The following SCN3A variants were observed in gnomAD, a reference collection of about 807,000 sequenced individuals.
SCN3A encodes the protein sodium voltage-gated channel alpha subunit 3.
A neutral mutation model predicts 187.6 loss-of-function variants in SCN3A; 60 were observed. The ratio of observed to expected loss-of-function variants is 0.32; its 90% confidence interval spans 0.26 to 0.40. SCN3A has a LOEUF of 0.40. Among genes scored for constraint, SCN3A ranks in the 10% least tolerant of loss-of-function variants. The pLI is 1.00. For synonymous variants in SCN3A, 788 were observed against 829.2 expected, an observed-to-expected ratio of 0.95 and a Z score of 0.85; for missense variants, 1,601 against 2,428.2, an observed-to-expected ratio of 0.66 and a Z score of 7.16.
chr2:165,202,753 C>G (rs933361174), intron 1 of SCN3A, among the ~76,000 whole-genome samples: 1 of 152,044 alleles, frequency 6.6e-6, no homozygotes, highest in Non-Finnish European at 1.5e-5. Flanking sequence ...ATAGGGCACA[C>G]TCTATTTGGA....
chr2:165,091,406 T>C, intron 27 of SCN3A, 61 bp from the exon 28 acceptor site: 1 of 1,602,706 alleles, frequency 6.2e-7, no homozygotes. Flanking sequence ...GATGGCTTTA[T>C]CTTTTTTAAG....
intron 26 of SCN3A, chr2:165,094,126 A>G (rs1685245697): frequency 2.0e-6 from 1 of 497,162 alleles, no homozygotes. Context: ...TTGCTTTGGA[A>G]GTATTTATTA....
intron 21 of SCN3A, among the ~76,000 whole-genome samples, chr2:165,104,565 C>T (rs529806913): frequency 2.7e-5 from 4 of 150,492 alleles, no homozygotes; most frequent in South Asian, 2.1e-4. Flanking sequence ...AAAAAAAGCC[C>T]GGAATATTTT....
At chr2:165,170,637 A>G in intron 3 of SCN3A, 89 bp from the exon 4 acceptor site, 1 of 814,552 alleles carries the variant, frequency 1.2e-6, no homozygotes, top group South Asian at 1.5e-5. Flanking sequence ...TAAAAAATAG[A>G]ATTTGTTTGT....
chr2:165,090,146 C>G lies in SCN3A; in HGVS notation c.*4G>C. 1 of 1,569,684 alleles carries G rather than the reference C, an allele frequency of 6.4e-7. No individual in the cohort carries two copies. Among genetic ancestry groups the G allele is most frequent in the Non-Finnish European group, 8.7e-7 (1 of 1,153,952 alleles). ...TGATCACAAAGATAATTCTTTGTTT[C>G]TTTTTACTTTTGATTTTCTCTGACC... On this transcript the variant is annotated 3_prime_UTR_variant, in exon 28 of 28. Coordinates refer to ENST00000283254, the MANE Select transcript of SCN3A (RefSeq NM_006922.4). The surrounding 1 kb of genome is among the most constrained non-coding windows in gnomAD (Gnocchi z 4.0).
At chr2:165,109,806 A>C (rs974216479) in intron 21 of SCN3A, among the ~76,000 whole-genome samples, 1 of 152,212 alleles carries the variant, frequency 6.6e-6, no homozygotes, top group Non-Finnish European at 1.5e-5. Context: ...TAATGTTAAC[A>C]TATATGATGT....
intron 21 of SCN3A, among the ~76,000 whole-genome samples, chr2:165,108,672 A>G (rs1202038359): frequency 6.6e-6 from 1 of 152,214 alleles, no homozygotes; most frequent in African/African-American, 2.4e-5. Flanking sequence ...TGTTTTCAAT[A>G]CGTTTTAAAT....
intron 18 of SCN3A, among the ~76,000 whole-genome samples, chr2:165,116,966 T>TTTTA (rs1553520409): frequency 6.7e-6 from 1 of 149,214 alleles, no homozygotes; most frequent in African/African-American, 2.5e-5. Flanking sequence ...TTTTTTTTTT[T>TTTTA]ACCATTAATT....
chr2:165,149,574 C>G (rs758114925), intron 11 of SCN3A, among the ~76,000 whole-genome samples: 11 of 152,306 alleles, frequency 7.2e-5, no homozygotes, highest in South Asian at 2.1e-4. Flanking sequence ...ACAAAGGTAA[C>G]CTCAGACACA....
rs756527147 is a variant in SCN3A, at chr2:165,138,020, T to C, written c.2250A>G (p.Lys750=). The change falls in exon 15 of 28, where the codon AAA becomes AAG. Residue 750 remains lysine (K), a synonymous_variant. Transcript: ENST00000283254. ...CCATAACAATTAAATTCACAAGATG[T>C]TTTACTTTTAACCATGCATCACAGC... The part of the protein sequence containing the change: ...WDCCDAWLKV[K]HLVNLIVMDP... The C allele has an allele frequency of 4.3e-6, 7 of 1,613,414 alleles. No individual in the cohort carries two copies. In the Admixed American group the frequency reaches 1.2e-4, roughly 27 times the overall value.
At chr2:165,196,450 A>G (rs1041596424) in intron 1 of SCN3A, among the ~76,000 whole-genome samples, 1 of 152,118 alleles carries the variant, frequency 6.6e-6, no homozygotes, top group Admixed American at 6.6e-5. Flanking sequence ...AAGAAAGCAT[A>G]GTTAAATACT....
rs779823905 is a variant in SCN3A at position 165,112,869 on chromosome 2, C to A, written c.3843+16G>T. The stretch of plus-strand genomic sequence containing the variant: ...CTTTTAAAAACAATTTTATAAAAAT[C>A]ACTTAAAATACTTACATCAACGATC... On this transcript the variant is annotated intron_variant, in intron 21 of 27. Transcript: ENST00000283254. 6.2e-7 allele frequency: 1 copy of A among 1,607,472 alleles called. No homozygotes were observed. The highest frequency in any genetic ancestry group is 8.5e-7 in the Non-Finnish European group (1 of 1,176,256).
intron 6 of SCN3A, 46 bp downstream of exon 6, chr2:165,164,346 A>G: frequency 6.2e-7 from 1 of 1,612,394 alleles, no homozygotes; most frequent in Non-Finnish European, 8.5e-7. Flanking sequence ...TTGTACTATG[A>G]CTATTTTCAC....
chr2:165,099,578 G>C (rs539653865), intron 22 of SCN3A, among the ~76,000 whole-genome samples: 1 of 152,138 alleles, frequency 6.6e-6, no homozygotes, highest in Non-Finnish European at 1.5e-5. Flanking sequence ...ATTAGCGGGC[G>C]TGGTGGCGGG....
intron 11 of SCN3A, 152 bp from the exon 12 acceptor site, chr2:165,147,181 A>G: frequency 1.2e-6 from 1 of 844,862 alleles, no homozygotes; most frequent in Non-Finnish European, 1.8e-6. Context: ...GAGTTTACTT[A>G]ACAATGACCC....
At chr2:165,149,003 A>T (rs1210414816) in intron 11 of SCN3A, among the ~76,000 whole-genome samples, 1 of 152,128 alleles carries the variant, frequency 6.6e-6, no homozygotes, top group East Asian at 1.9e-4. Context: ...ATATATATAT[A>T]CCCTTTCTTA....
rs781618037 is a variant in SCN3A, at chr2:165,162,319, G to A, written c.1020C>T (p.Gly340=). 4 of 1,612,528 alleles carry A rather than the reference G, an allele frequency of 2.5e-6. No individual in the cohort carries two copies. The highest frequency in any genetic ancestry group is 2.7e-5 in the African/African-American group (2 of 74,556). The part of the protein sequence containing the change: ...GQKDPLLCGN[G]SDAGQCPEGY... The stretch of plus-strand genomic sequence containing the variant: ...ATTATGTTTCTTACCCTGCATCTGA[G>A]CCATTTCCACAGAGTAAAGGGTCTT... Residue 340 remains glycine (G), a synonymous_variant, in exon 9 of 28, where the codon GGC becomes GGT. Coordinates refer to ENST00000283254, the MANE Select transcript of SCN3A (RefSeq NM_006922.4).
chr2:165,107,497 T>A (rs984368812), intron 21 of SCN3A, among the ~76,000 whole-genome samples: 3 of 152,222 alleles, frequency 2.0e-5, no homozygotes, highest in African/African-American at 7.2e-5. Context: ...ATTATTTAGT[T>A]CCTTTACCCC....
At chr2:165,154,754 G>C (rs1030347000) in intron 10 of SCN3A, 96 bp from the exon 11 acceptor site, 2 of 1,202,870 alleles carry the variant, frequency 1.7e-6, no homozygotes, top group Admixed American at 3.8e-5. Flanking sequence ...AGACTAATTA[G>C]CTTTTTAGTA....
Sources: allele counts gnomAD v4.1 joint callset (sites outside exome capture counted in the v4.1 genomes callset), GRCh38; gene constraint gnomAD v4.1.1; non-coding constraint Gnocchi (gnomAD v3.1); transcripts MANE v1.5; gene names NCBI Gene and HGNC (gene_info 2026-07-23, HGNC 2026-07-21).